Variants in BOD1L1 observed in about 807,000 individuals in gnomAD.
BOD1L1 encodes the protein biorientation of chromosomes in cell division protein 1-like 1.
In BOD1L1, 86 loss-of-function variants were observed where a neutral mutation model predicts 240.7. That is an observed-to-expected ratio of 0.36 (90% CI 0.30 to 0.43). BOD1L1 has a LOEUF of 0.43. Ranked by LOEUF, BOD1L1 falls within the 20% of genes least tolerant of loss-of-function variation. BOD1L1 has a pLI of 1.00. For synonymous variants in BOD1L1, 1,268 were observed against 1,272.3 expected (o/e 1.00, Z 0.07); for missense variants, 3,554 against 3,643.5 (o/e 0.98, Z 0.63).
chr4:13,624,613 G>T (rs1023028302), intron 1 of BOD1L1: 1 of 152,040 alleles, frequency 6.6e-6, no homozygotes, highest in Non-Finnish European at 1.5e-5. Flanking sequence ...TAGAGATGGG[G>T]TTTCACCATT....
At chr4:13,577,056 T>A in intron 24 of BOD1L1, 65 bp from the exon 25 acceptor site, 5 of 1,559,736 alleles carry the variant, frequency 3.2e-6, no homozygotes, top group Non-Finnish European at 4.3e-6. Context: ...AGAGAGAGAG[T>A]CATGGAGTTT....
At chr4:13,611,894 GA>G (rs1227179224) in intron 5 of BOD1L1, among the ~76,000 whole-genome samples, 4 of 150,514 alleles carry the variant, frequency 2.7e-5, no homozygotes, top group Middle Eastern at 3.2e-3. Flanking sequence ...ACAGCAAGAA[GA>G]AAAAAAAAGT....
chr4:13,610,999 G>A lies in BOD1L1; in HGVS notation c.1426C>T (p.Leu476Phe), dbSNP rs1479491322. Residue 476 changes from leucine to phenylalanine, a missense_variant, in exon 6 of 26, where the codon CTT becomes TTT. Coordinates refer to ENST00000040738, the MANE Select transcript of BOD1L1 (RefSeq NM_148894.3). ...VRHAYVHKPY[L>F]YSKYYSDSDD... ...GAATCACTATAGTATTTTGAGTAAA[G>A]ATATGGTTTGTGGACATACGCATGC... The A allele has an allele frequency of 2.5e-6, 4 of 1,612,680 alleles. No homozygotes were observed. The highest frequency in any genetic ancestry group is 3.4e-6 in the Non-Finnish European group (4 of 1,179,042).
rs774462255 is a variant in BOD1L1, at chr4:13,600,701, G to C, written c.6199C>G (p.Gln2067Glu). The C allele has an allele frequency of 6.2e-7, 1 of 1,613,836 alleles. No homozygotes were observed. Among genetic ancestry groups the C allele is most frequent in the East Asian group, 2.2e-5 (1 of 44,894 alleles). The change falls in exon 10 of 26, where the codon CAA becomes GAA. Residue 2067 changes from glutamine (Q) to glutamate (E), a missense_variant. Physicochemically the swap from Gln to Glu is conservative, Grantham distance 29. Coordinates refer to ENST00000040738, the MANE Select transcript of BOD1L1 (RefSeq NM_148894.3). ...GTGGAAATAATCAAAACTTTGCCTT[G>C]ATTTTTACCCCCTGCTAAGCTATTC... ...NQNSLAGGKNQGKVLIISTST... is the reference protein window; with the variant it reads ...NQNSLAGGKNEGKVLIISTST...
intron 17 of BOD1L1, among the ~76,000 whole-genome samples, chr4:13,585,762 GTGCTGTTCTCCTGACAGTGAATA>G (rs1186050174): frequency 6.6e-6 from 1 of 152,170 alleles, no homozygotes; most frequent in Non-Finnish European, 1.5e-5. Context: ...GGTTTGTCCT[GTGCTGTTCTCCTGACAGTGAATA>G]AGTCTCCTGA....
At chr4:13,607,328 T>A in intron 8 of BOD1L1, 139 bp from the exon 9 acceptor site, 1 of 304,050 alleles carries the variant, frequency 3.3e-6, no homozygotes, top group Non-Finnish European at 5.5e-6. Context: ...AGGTGGAGTC[T>A]TGCTCTTGTT....
chr4:13,587,170 T>C (rs948486832), intron 16 of BOD1L1, among the ~76,000 whole-genome samples: 10 of 152,144 alleles, frequency 6.6e-5, no homozygotes, highest in Non-Finnish European at 1.3e-4. Flanking sequence ...TAAAAAACAA[T>C]TAAAAATTCA....
In BOD1L1 at chr4:13,601,239, T is replaced by C; in HGVS notation, c.5661A>G (p.Thr1887=). ...CCCCTTCACTTTCTTCTCCTAACCC[T>C]GTACAAGTTGAAGCATGCCCAATTT... ...GNEIGHASTC[T]GLGEESEGVL... Residue 1887 remains threonine (T), a synonymous_variant, in exon 10 of 26, where the codon ACA becomes ACG. Transcript: ENST00000040738. 1.2e-6 allele frequency: 2 copies of C among 1,614,012 alleles called. No individual in the cohort carries two copies. The highest frequency in any genetic ancestry group is 1.7e-6 in the Non-Finnish European group (2 of 1,179,900).
intron 5 of BOD1L1, among the ~76,000 whole-genome samples, chr4:13,611,719 T>C (rs1468447924): frequency 1.6e-4 from 25 of 152,208 alleles, no homozygotes; most frequent in Admixed American, 1.6e-3. Flanking sequence ...ACAATTCTTA[T>C]TTGTCACTGG....
At chr4:13,621,152 C>T (rs182003116) in intron 1 of BOD1L1, among the ~76,000 whole-genome samples, 2 of 152,296 alleles carry the variant, frequency 1.3e-5, no homozygotes, top group East Asian at 3.9e-4. Context: ...ATCATCTCTA[C>T]CTGAAGGGGC....
At chr4:13,611,448 A>G (rs1487538799) in intron 5 of BOD1L1, among the ~76,000 whole-genome samples, 1 of 152,234 alleles carries the variant, frequency 6.6e-6, no homozygotes, top group Non-Finnish European at 1.5e-5. Flanking sequence ...TCGCAACACC[A>G]GCAGTGTGCT....
At position 13,611,009 on chromosome 4, in the gene BOD1L1, G is replaced by C; in HGVS notation, c.1416C>G (p.His472Gln). The change falls in exon 6 of 26, where the codon CAC becomes CAG. Residue 472 changes from histidine (H) to glutamine (Q), a missense_variant. Transcript: ENST00000040738. ...AGTATTTTGAGTAAAGATATGGTTT[G>C]TGGACATACGCATGCCGTACACTTT... ...KTKSVRHAYV[H>Q]KPYLYSKYYS... The C allele has an allele frequency of 6.2e-7, 1 of 1,612,308 alleles. No individual in the cohort carries two copies. The highest frequency in any genetic ancestry group is 8.5e-7 in the Non-Finnish European group (1 of 1,178,724).
chr4:13,599,717 C>T lies in BOD1L1; in HGVS notation c.7183G>A (p.Glu2395Lys), dbSNP rs140376403. Residue 2395 changes from glutamate (E) to lysine (K), a missense_variant, in exon 10 of 26, where the codon GAA (glutamate) becomes AAA (lysine). Transcript: ENST00000040738. Reference protein sequence around the residue: ...RCPGPVRGGKEPGPVLAVSTE... With the variant: ...RCPGPVRGGKKPGPVLAVSTE... ...CTCACTGCCAACACGGGACCCGGTT[C>T]TTTGCCTCCCCTGACTGGCCCAGGA... The T allele has an allele frequency of 1.7e-4, 267 of 1,613,784 alleles. No individual in the cohort carries two copies. In the African/African-American group the frequency reaches 3.2e-3, roughly 19 times the overall value.
chr4:13,627,597 TGCCGGGGAGGGCAAGG>T lies in BOD1L1; in HGVS notation c.-26_-11del. 1 of 1,147,096 alleles carries T rather than the reference TGCCGGGGAGGGCAAGG, an allele frequency of 8.7e-7. No individual in the cohort carries two copies. Among genetic ancestry groups the T allele is most frequent in the Non-Finnish European group, 1.1e-6 (1 of 932,824 alleles). 71.1% of individuals were successfully genotyped at this position (1,147,096 alleles called of 1,614,324 possible). A position where few individuals can be genotyped will look rare whatever the true frequency, so the allele number is the denominator to read the frequency against. ...GTGGGTTGGTGGCCATGGTGGCCTG[TGCCGGGGAGGGCAAGG>T]GCCCTGACCGGCGGACGATCCTGGG... On this transcript the variant is annotated 5_prime_UTR_variant, in exon 1 of 26. Coordinates refer to ENST00000040738, the MANE Select transcript of BOD1L1 (RefSeq NM_148894.3).
chr4:13,584,240 GC>G (rs1377115652), intron 17 of BOD1L1, among the ~76,000 whole-genome samples: 14 of 152,160 alleles, frequency 9.2e-5, no homozygotes, highest in African/African-American at 3.1e-4. Flanking sequence ...GTTTGGGAAA[GC>G]CAAGGAGAAA....
In BOD1L1 at chr4:13,601,276, C is replaced by T; in HGVS notation, c.5624G>A (p.Gly1875Glu). The T allele has an allele frequency of 6.2e-7, 1 of 1,613,996 alleles. No individual in the cohort carries two copies. The change falls in exon 10 of 26, where the codon GGA (glycine) becomes GAA (glutamate). Residue 1875 changes from glycine to glutamate, a missense_variant. Around this residue, in one of 2 missense-constraint regions of BOD1L1, gnomAD observed 3,393 missense variants for 3,427.1 expected, o/e 0.99. Transcript: ENST00000040738. ...EEGEDVVTST[G>E]RGNEIGHAST... is the part of the protein sequence containing the mutation. ...AGCATGCCCAATTTCATTTCCTCTT[C>T]CAGTACTAGTCACAACATCCTCCCC...
In BOD1L1 at chr4:13,613,705, A is replaced by G. The variant is rs1053780856; in HGVS notation, c.1175-44T>C. ...ACACAGAAAAAAAAATCATCTTATT[A>G]TAAGAACATACTCAGAGCTCAATTA... On this transcript the variant is annotated intron_variant, in intron 4 of 25. Transcript: ENST00000040738. This position sits in a 1 kb window ranked among gnomAD's most constrained non-coding sequence, Gnocchi z 4.0. 2 of 1,429,752 alleles carry G rather than the reference A, an allele frequency of 1.4e-6. No homozygotes were observed. The highest frequency in any genetic ancestry group is 3.1e-5 in the South Asian group (2 of 64,272). 88.6% of individuals were successfully genotyped at this position (1,429,752 alleles called of 1,614,324 possible).
intron 10 of BOD1L1, 75 bp downstream of exon 10, chr4:13,598,871 G>T: frequency 7.1e-7 from 1 of 1,399,682 alleles, no homozygotes; most frequent in South Asian, 1.6e-5. Flanking sequence ...TCTTTTGGAA[G>T]ACTGTCCTAA....
chr4:13,585,231 T>C (rs1337140172), intron 17 of BOD1L1, among the ~76,000 whole-genome samples: 1 of 152,214 alleles, frequency 6.6e-6, no homozygotes, highest in African/African-American at 2.4e-5. Flanking sequence ...ATTAAACCTT[T>C]TCCTACTTTT....
Sources: gnomAD v4.1 joint callset for allele counts (sites outside exome capture counted in the v4.1 genomes callset) on GRCh38, gnomAD v4.1.1 for gene constraint, gnomAD v4.1.1 regional missense constraint, Gnocchi (gnomAD v3.1) non-coding constraint, MANE v1.5 for transcripts, NCBI Gene and HGNC (gene_info 2026-07-23, HGNC 2026-07-21) for gene names.